GRAMD1C: variants seen among roughly 807,000 people sequenced by gnomAD.
The protein encoded by GRAMD1C is protein Aster-C.
In GRAMD1C, 89 loss-of-function variants were observed where a neutral mutation model predicts 97.8. The ratio of observed to expected loss-of-function variants is 0.91; its 90% CI spans 0.77 to 1.09. The LOEUF is 1.09. Among genes scored for constraint, GRAMD1C ranks in the 50% least tolerant of loss-of-function variants. The probability of loss-of-function intolerance (pLI) is 0.00; values close to 1 mark genes in which losing one functional copy is unlikely to be tolerated. For synonymous variants in GRAMD1C, 256 were observed against 267.0 expected, an observed-to-expected ratio of 0.96 and a Z score of 0.40; for missense variants, 740 against 766.4, an observed-to-expected ratio of 0.97 and a Z score of 0.41.
intron 12 of GRAMD1C, 55 bp downstream of exon 12, chr3:113,933,708 T>G: frequency 8.0e-7 from 1 of 1,252,470 alleles, no homozygotes; most frequent in Non-Finnish European, 1.1e-6. Flanking sequence ...CCTGGTAATT[T>G]ATTCATCCTG....
Position 113,915,747 on chromosome 3 carries a change from T to C in GRAMD1C, c.999T>C (p.Arg333=), listed in dbSNP as rs1296312593. The change falls in exon 10 of 18, where the codon CGT becomes CGC. Residue 333 remains arginine (R), a synonymous_variant. Coordinates refer to ENST00000358160, the MANE Select transcript of GRAMD1C (RefSeq NM_017577.5). ...TTCATGGAAGACTTTTTATCAACCG[T>C]ATTTTTCATATCAGTGCTGACAGAA... ...KDLHGRLFIN[R]IFHISADRMF... is the part of the protein sequence containing the mutation. 1 of 1,609,684 alleles carries C rather than the reference T, an allele frequency of 6.2e-7. No individual in the cohort carries two copies. The highest frequency in any genetic ancestry group is 1.1e-5 in the South Asian group (1 of 90,914).
At chr3:113,931,581 A>G (rs1319339687) in intron 11 of GRAMD1C, among the ~76,000 whole-genome samples, 1 of 151,870 alleles carries the variant, frequency 6.6e-6, no homozygotes, top group Non-Finnish European at 1.5e-5. Context: ...CTGGTCTCGA[A>G]CTCCTGAACT....
intron 9 of GRAMD1C, among the ~76,000 whole-genome samples, chr3:113,910,046 T>G (rs1333138463): frequency 6.6e-6 from 1 of 152,188 alleles, no homozygotes; most frequent in Non-Finnish European, 1.5e-5. Context: ...TATTTGAAAT[T>G]TATTACAAAG....
At chr3:113,835,678 G>GAAAAAGGCAGCAGTC (rs944632626), upstream of GRAMD1C, among the ~76,000 whole-genome samples, 1 of 152,290 alleles carries the variant, frequency 6.6e-6, no homozygotes, top group African/African-American at 2.4e-5. Context: ...CTGTTATTGG[G>GAAAAAGGCAGCAGTC]AAAAAGGCAG....
intron 9 of GRAMD1C, among the ~76,000 whole-genome samples, chr3:113,910,524 A>ATTTTGTATTGTAATCCATTTTG (rs1157035771): frequency 6.6e-6 from 1 of 152,232 alleles, no homozygotes; most frequent in African/African-American, 2.4e-5. Context: ...TGTTTTTCAC[A>ATTTTGTATTGTAATCCATTTTG]TTTTGTATTG....
intron 6 of GRAMD1C, among the ~76,000 whole-genome samples, chr3:113,899,645 A>G (rs1936079659): frequency 6.6e-6 from 1 of 152,196 alleles, no homozygotes; most frequent in South Asian, 2.1e-4. Flanking sequence ...ACCTTGCTTA[A>G]GCAGGTAATT....
chr3:113,862,942 A>G (rs1934444591), intron 2 of GRAMD1C, among the ~76,000 whole-genome samples: 1 of 152,146 alleles, frequency 6.6e-6, no homozygotes, highest in Admixed American at 6.6e-5. Context: ...TAGAGATTAG[A>G]TTTGGTGAGG....
At chr3:113,875,965 G>T in intron 4 of GRAMD1C, 200 bp from the exon 5 acceptor site, 1 of 479,484 alleles carries the variant, frequency 2.1e-6, no homozygotes, top group Non-Finnish European at 3.7e-6. Flanking sequence ...GTTGTTGGGG[G>T]AGAATACTGC....
At chr3:113,869,632 T>A in intron 3 of GRAMD1C, 41 bp downstream of exon 3, 1 of 837,888 alleles carries the variant, frequency 1.2e-6, no homozygotes, top group Non-Finnish European at 2.0e-6. Context: ...ATTACCTCAT[T>A]ATAAAAAGAA....
intron 2 of GRAMD1C, among the ~76,000 whole-genome samples, chr3:113,853,896 C>T (rs1238063659): frequency 1.3e-5 from 2 of 151,998 alleles, no homozygotes; most frequent in East Asian, 1.9e-4. Context: ...AAGGAGAACA[C>T]CAGTGAATCC....
At chr3:113,927,877 A>C (rs151264568) in intron 10 of GRAMD1C, among the ~76,000 whole-genome samples, 1 of 152,172 alleles carries the variant, frequency 6.6e-6, no homozygotes. Context: ...CGTGACCGCT[A>C]TTGGGGATAT....
chr3:113,891,614 C>T (rs1444078597), intron 6 of GRAMD1C, among the ~76,000 whole-genome samples: 1 of 151,760 alleles, frequency 6.6e-6, no homozygotes, highest in Non-Finnish European at 1.5e-5. Context: ...AGCATGGTGA[C>T]TCATGCTTGT....
Position 113,875,568 on chromosome 3 carries a change from T to C in GRAMD1C, c.344T>C (p.Ile115Thr). The C allele has an allele frequency of 1.4e-6, 2 of 1,455,184 alleles. No individual in the cohort carries two copies. The highest frequency in any genetic ancestry group is 9.7e-7 in the Non-Finnish European group (1 of 1,033,956). The allele number at this position is 1,455,184 out of a possible 1,614,324, so 90.1% of individuals were successfully genotyped here. A position where few individuals can be genotyped will look rare whatever the true frequency, so the allele number is the denominator to read the frequency against. The change falls in exon 4 of 18, where the codon ATC becomes ACC. Residue 115 changes from isoleucine to threonine, a missense_variant. Physicochemically the swap from Ile to Thr is moderately conservative, Grantham distance 89. Transcript: ENST00000358160. ...SENWLCFYSN[I>T]FRWETTISIA... The stretch of plus-strand genomic sequence containing the variant: ...AACTGGCTATGTTTCTATAGCAACA[T>C]CTTCAGATGGGAAACTACAGTAAGA...
In GRAMD1C at chr3:113,875,548, G is replaced by A. The variant is rs1311492986; in HGVS notation, c.324G>A (p.Trp108Ter). The A allele has an allele frequency of 5.8e-6, 9 of 1,546,738 alleles. No homozygotes were observed. The highest frequency in any genetic ancestry group is 8.0e-6 in the Non-Finnish European group (9 of 1,118,024). The change falls in exon 4 of 18, where the codon TGG (tryptophan) becomes TGA (stop). Residue 108 changes from tryptophan to a stop codon, truncating the protein, a stop_gained. Coordinates refer to ENST00000358160, the MANE Select transcript of GRAMD1C (RefSeq NM_017577.5). LOFTEE classifies it high-confidence loss of function. ...LQGRLYLSEN[W>*]LCFYSNIFRW... is the part of the protein sequence containing the mutation. ...GACGACTATACCTTTCAGAAAACTG[G>A]CTATGTTTCTATAGCAACATCTTCA...
At chr3:113,871,394 G>T (rs1934805077) in intron 3 of GRAMD1C, among the ~76,000 whole-genome samples, 1 of 152,074 alleles carries the variant, frequency 6.6e-6, no homozygotes. Context: ...TAGGTTGGGT[G>T]TGGTGGCTCA....
chr3:113,858,561 A>AT (rs545876987), intron 2 of GRAMD1C, among the ~76,000 whole-genome samples: 6 of 151,834 alleles, frequency 4.0e-5, no homozygotes, highest in African/African-American at 7.2e-5. Flanking sequence ...CACCTGGCTA[A>AT]TTTTTTTGTG....
At chr3:113,935,626 A>ATT (rs1335523962) in intron 13 of GRAMD1C, among the ~76,000 whole-genome samples, 1 of 151,814 alleles carries the variant, frequency 6.6e-6, no homozygotes, top group African/African-American at 2.4e-5. Context: ...ACTCAAGGTA[A>ATT]TTTAAGGCTT....
chr3:113,923,867 T>C (rs1937144542), intron 10 of GRAMD1C, among the ~76,000 whole-genome samples: 1 of 152,146 alleles, frequency 6.6e-6, no homozygotes, highest in African/African-American at 2.4e-5. Flanking sequence ...CAACTCTTCT[T>C]TACATGTCTG....
chr3:113,851,154 G>C (rs1933886854), intron 2 of GRAMD1C, among the ~76,000 whole-genome samples: 1 of 152,082 alleles, frequency 6.6e-6, no homozygotes, highest in Non-Finnish European at 1.5e-5. Context: ...AAACTGGAGG[G>C]ATTTGTAAAG....
Sources: gnomAD v4.1 joint callset for allele counts (sites outside exome capture counted in the v4.1 genomes callset) on GRCh38, gnomAD v4.1.1 for gene constraint, MANE v1.5 for transcripts, NCBI Gene and HGNC (gene_info 2026-07-23, HGNC 2026-07-21) for gene names.